Variants in GRIN2B observed in about 807,000 individuals in gnomAD.
The protein encoded by GRIN2B is glutamate ionotropic receptor NMDA type subunit 2B.
In GRIN2B, 5 loss-of-function variants were observed where a neutral mutation model predicts 114.5. The observed-to-expected ratio is 0.04, with a 90% CI of 0.02 to 0.09. The LOEUF is 0.09. Ranked by LOEUF, GRIN2B falls within the 10% of genes least tolerant of loss-of-function variation. GRIN2B has a pLI of 1.00. For missense variants in GRIN2B, 1,108 were observed against 1,943.5 expected, an observed-to-expected ratio of 0.57 and a Z score of 8.08; for synonymous variants, 787 against 745.1, an observed-to-expected ratio of 1.06 and a Z score of -0.92.
chr12:13,724,130 A>T (rs546575690), intron 4 of GRIN2B, among the ~76,000 whole-genome samples: 1 of 152,120 alleles, frequency 6.6e-6, no homozygotes, highest in Non-Finnish European at 1.5e-5. Context: ...TAAAGAACAC[A>T]TCTGAAGCAG....
At chr12:13,809,093 A>G (rs1864677504) in intron 3 of GRIN2B, among the ~76,000 whole-genome samples, 1 of 152,180 alleles carries the variant, frequency 6.6e-6, no homozygotes, top group African/African-American at 2.4e-5. Flanking sequence ...GCATTGTAAG[A>G]TGTTGAGCAG....
intron 2 of GRIN2B, among the ~76,000 whole-genome samples, chr12:13,909,406 AG>A (rs1726737975): frequency 1.3e-5 from 2 of 152,246 alleles, no homozygotes; most frequent in African/African-American, 4.8e-5. Flanking sequence ...CCTTCAGGTT[AG>A]TACCTCGGGA....
At chr12:13,908,383 G>A (rs1866578590) in intron 2 of GRIN2B, among the ~76,000 whole-genome samples, 1 of 152,118 alleles carries the variant, frequency 6.6e-6, no homozygotes, top group South Asian at 2.1e-4. Flanking sequence ...CTAAGAGCAT[G>A]GTTAGCTGAT....
intron 5 of GRIN2B, among the ~76,000 whole-genome samples, chr12:13,628,499 C>G (rs949264469): frequency 6.6e-6 from 1 of 152,196 alleles, no homozygotes; most frequent in Non-Finnish European, 1.5e-5. Flanking sequence ...ACTGATAGAT[C>G]TTAGACATAC....
intron 3 of GRIN2B, among the ~76,000 whole-genome samples, chr12:13,756,999 T>C (rs955836463): frequency 1.2e-4 from 18 of 152,200 alleles, no homozygotes; most frequent in African/African-American, 4.3e-4. Flanking sequence ...GAAAAATTGA[T>C]ATGGCTCCAT....
At chr12:13,681,929 A>G (rs1330351449) in intron 4 of GRIN2B, among the ~76,000 whole-genome samples, 1 of 152,146 alleles carries the variant, frequency 6.6e-6, no homozygotes, top group East Asian at 1.9e-4. Context: ...TTCTTTTTAG[A>G]AATTATGATT....
intron 3 of GRIN2B, among the ~76,000 whole-genome samples, chr12:13,802,631 G>A (rs1864535899): frequency 6.6e-6 from 1 of 152,104 alleles, no homozygotes. Context: ...TATGTAGAAA[G>A]ATGTTTCTTG....
rs1948363015 is a variant in GRIN2B at position 13,547,945 on chromosome 12, GTA to G, written c.*14836_*14837del. On this transcript the variant is annotated 3_prime_UTR_variant, in exon 14 of 14. Transcript: ENST00000609686. The stretch of plus-strand genomic sequence containing the variant: ...AACAGGGTTATGTATATGTATGTAT[GTA>G]TGTATGTGTGTGTATATATATATAT... 1 of 104,860 alleles carries G rather than the reference GTA, an allele frequency of 9.5e-6. No individual in the cohort carries two copies. The highest frequency in any genetic ancestry group is 1.2e-4 in the Admixed American group (1 of 8,476). 6.5% of individuals were successfully genotyped at this position (104,860 alleles called of 1,614,324 possible).
At chr12:13,703,517 G>A (rs765265457) in intron 4 of GRIN2B, among the ~76,000 whole-genome samples, 4 of 152,032 alleles carry the variant, frequency 2.6e-5, no homozygotes, top group Admixed American at 6.6e-5. Context: ...AAATACAACA[G>A]AAATATATAT....
chr12:13,657,742 T>C (rs1949880265), intron 5 of GRIN2B, among the ~76,000 whole-genome samples: 1 of 152,158 alleles, frequency 6.6e-6, no homozygotes, highest in East Asian at 1.9e-4. Context: ...TCTAAATAGA[T>C]AATGGACAGA....
chr12:13,943,777 G>A (rs985541784), intron 2 of GRIN2B, among the ~76,000 whole-genome samples: 12 of 152,028 alleles, frequency 7.9e-5, no homozygotes, highest in African/African-American at 2.7e-4. Flanking sequence ...AGAAATTTCC[G>A]TCACTGTCTA....
intron 10 of GRIN2B, among the ~76,000 whole-genome samples, chr12:13,597,346 G>A (rs1292881148): frequency 6.6e-6 from 1 of 152,136 alleles, no homozygotes; most frequent in East Asian, 1.9e-4. Flanking sequence ...GCCAATTAAC[G>A]CAAACTTCCT....
intron 3 of GRIN2B, among the ~76,000 whole-genome samples, chr12:13,826,120 T>C (rs1865031173): frequency 6.6e-6 from 1 of 152,148 alleles, no homozygotes; most frequent in Non-Finnish European, 1.5e-5. Flanking sequence ...ATTGTTTTGA[T>C]GGTTTCTCTA....
chr12:13,903,016 A>T (rs1053431653), intron 2 of GRIN2B, among the ~76,000 whole-genome samples: 6 of 151,912 alleles, frequency 3.9e-5, no homozygotes, highest in Non-Finnish European at 7.4e-5. Flanking sequence ...ATTTCAACTA[A>T]TTTTTTTAAT....
At chr12:13,571,770 G>A (rs1332890560) in intron 11 of GRIN2B, 34 bp downstream of exon 11, 1 of 1,609,618 alleles carries the variant, frequency 6.2e-7, no homozygotes, top group African/African-American at 1.3e-5. Context: ...GTGAGAAACA[G>A]ATCAAGGACT....
chr12:13,726,760 C>T (rs994156642), intron 4 of GRIN2B, among the ~76,000 whole-genome samples: 2 of 150,932 alleles, frequency 1.3e-5, no homozygotes, highest in Admixed American at 6.6e-5. Flanking sequence ...TTTGGTGCAC[C>T]CATCACCTGA....
intron 4 of GRIN2B, among the ~76,000 whole-genome samples, chr12:13,745,347 A>C (rs1338785877): frequency 6.6e-6 from 1 of 152,196 alleles, no homozygotes; most frequent in African/African-American, 2.4e-5. Context: ...ATTCCTAAAT[A>C]ATACCAGCTT....
chr12:13,790,311 C>T (rs1433811080), intron 3 of GRIN2B, among the ~76,000 whole-genome samples: 1 of 152,176 alleles, frequency 6.6e-6, no homozygotes. Context: ...GTCCTCTCAT[C>T]CCCTCCCATC....
chr12:13,734,469 G>T (rs913639920), intron 4 of GRIN2B, among the ~76,000 whole-genome samples: 1 of 152,184 alleles, frequency 6.6e-6, no homozygotes, highest in Non-Finnish European at 1.5e-5. Context: ...CTGAAAACTA[G>T]TTCAAAGCCT....
Sources: gnomAD v4.1 joint callset for allele counts (sites outside exome capture counted in the v4.1 genomes callset) on GRCh38, gnomAD v4.1.1 for gene constraint, MANE v1.5 for transcripts, NCBI Gene and HGNC (gene_info 2026-07-23, HGNC 2026-07-21) for gene names.